Variants in BLOC1S3 observed in about 807,000 individuals in gnomAD.
The protein encoded by BLOC1S3 is biogenesis of lysosomal organelles complex 1 subunit 3.
Under a neutral mutation model 9.1 loss-of-function variants are expected in BLOC1S3, and 7 were observed. That is an observed-to-expected ratio of 0.77 (90% CI 0.44 to 1.45). The LOEUF (loss-of-function observed/expected upper bound fraction) is 1.45. Among genes scored for constraint, BLOC1S3 ranks in the 40% most tolerant of loss-of-function variants. The pLI is 0.01. For missense variants in BLOC1S3, 307 were observed against 315.2 expected (o/e 0.97, Z 0.20); for synonymous variants, 145 against 158.4 (o/e 0.92, Z 0.64).
At chr19:45,198,404 G>T (rs1314257297) in intron 2 of BLOC1S3, among the ~76,000 whole-genome samples, 18 of 152,128 alleles carry the variant, frequency 1.2e-4, no homozygotes. Flanking sequence ...CAATTCTCCT[G>T]CCTCAGCCTC....
chr19:45,186,117 TA>T (rs147357749), downstream of BLOC1S3, among the ~76,000 whole-genome samples: 11 of 149,726 alleles, frequency 7.3e-5, no homozygotes, highest in Non-Finnish European at 1.2e-4. Flanking sequence ...TGTCTCAAAA[TA>T]AAAAAAAAGA....
At chr19:45,193,789 G>A (rs1304039180) in intron 2 of BLOC1S3, among the ~76,000 whole-genome samples, 1 of 129,052 alleles carries the variant, frequency 7.7e-6, no homozygotes, top group Non-Finnish European at 1.6e-5. Context: ...CATTTTTTCT[G>A]TTTTTTTTTT....
In BLOC1S3 at chr19:45,208,759, GA is replaced by G. The variant is rs200533129; in HGVS notation, n.282+6264del. On this transcript the variant is annotated intron_variant and non_coding_transcript_variant, in intron 3 of 3. Coordinates refer to the BLOC1S3 transcript ENST00000591569. Reference sequence around the variant, plus strand: ...AACAAGAGTGAAACTATCTCAGAAAGAAAAAAAAAAAAGCCCACAAGTATTT... The same window carrying G: ...AACAAGAGTGAAACTATCTCAGAAAGAAAAAAAAAAAGCCCACAAGTATTT... Among the ~76,000 whole-genome samples, 415 of 95,694 alleles carry G rather than the reference GA, an allele frequency of 4.3e-3. 3 individuals carry two copies. Among genetic ancestry groups the G allele is most frequent in the African/African-American group, 0.01 (278 of 27,348 alleles). The allele number at this position is 95,694 out of a possible 152,430, so 62.8% of individuals were successfully genotyped here. A position where few individuals can be genotyped will look rare whatever the true frequency, so the allele number is the denominator to read the frequency against.
downstream of BLOC1S3, among the ~76,000 whole-genome samples, chr19:45,183,623 CTTTTTTTTTTT>C (rs57651816): frequency 1.9e-5 from 2 of 105,112 alleles, no homozygotes; most frequent in Non-Finnish European, 3.7e-5. Flanking sequence ...CTTTTCTTTT[CTTTTTTTTTTT>C]TTTTTTTTTT....
At position 45,215,668 on chromosome 19, in the gene BLOC1S3, G is replaced by A. The variant is rs546306858; in HGVS notation, n.283-1008G>A. ...GATGAGGAAACTGAGGCTCCGAGAA[G>A]GTCACCTACAAAGGAAGTGACCTGG... On this transcript the variant is annotated intron_variant and non_coding_transcript_variant, in intron 3 of 3. Transcript: ENST00000591569. Among the ~76,000 whole-genome samples the A allele has an allele frequency of 4.6e-5, 7 of 152,252 alleles. No homozygotes were observed. In the East Asian group the frequency reaches 1.4e-3, roughly 29 times the overall value.
chr19:45,186,798 C>T (rs1969569198), downstream of BLOC1S3, among the ~76,000 whole-genome samples: 1 of 152,200 alleles, frequency 6.6e-6, no homozygotes, highest in African/African-American at 2.4e-5. Context: ...ATTGGAGGCC[C>T]TATGATCTGG....
At chr19:45,206,462 T>TTTTTTTTTTGTTTTG in intron 3 of BLOC1S3, among the ~76,000 whole-genome samples, 1 of 115,446 alleles carries the variant, frequency 8.7e-6, no homozygotes, top group Non-Finnish European at 1.8e-5. Context: ...TTTTTTTTTT[T>TTTTTTTTTTGTTTTG]TTTTTTTTTT....
intron 3 of BLOC1S3, chr19:45,216,046 AG>A: frequency 6.2e-7 from 1 of 1,611,510 alleles, no homozygotes; most frequent in East Asian, 2.2e-5. Flanking sequence ...AGGCACGGCG[AG>A]CCCTGGCCCA....
At chr19:45,208,472 T>C (rs887667785) in intron 3 of BLOC1S3, among the ~76,000 whole-genome samples, 2 of 151,126 alleles carry the variant, frequency 1.3e-5, no homozygotes, top group African/African-American at 4.9e-5. Context: ...CTGGGCGTGG[T>C]GTCGGGCGTG....
chr19:45,216,242 T>G (rs780503055), intron 3 of BLOC1S3: 18 of 1,598,702 alleles, frequency 1.1e-5, no homozygotes, highest in Non-Finnish European at 1.4e-5. Context: ...AGATTGACCC[T>G]GCCAATTCCT....
At chr19:45,178,978 A>G in intron 1 of BLOC1S3, 147 bp downstream of exon 1, 1 of 289,118 alleles carries the variant, frequency 3.5e-6, no homozygotes, top group African/African-American at 2.2e-5. Flanking sequence ...GGCATGGTGG[A>G]CCAGGTGGAG....
chr19:45,182,775 C>T (rs1969535352), downstream of BLOC1S3, among the ~76,000 whole-genome samples: 1 of 152,162 alleles, frequency 6.6e-6, no homozygotes, highest in Admixed American at 6.5e-5. Flanking sequence ...GTCTTGACCT[C>T]CCAAAGGGCT....
At chr19:45,213,665 C>T (rs1367002068) in intron 3 of BLOC1S3, among the ~76,000 whole-genome samples, 1 of 152,140 alleles carries the variant, frequency 6.6e-6, no homozygotes, top group Non-Finnish European at 1.5e-5. Context: ...ACCTTCTCAG[C>T]TGGGTGCCGT....
At chr19:45,188,463 A>G (rs77643545) in intron 2 of BLOC1S3, among the ~76,000 whole-genome samples, 15,343 of 150,386 alleles carry the variant, frequency 0.1, 1,002 homozygotes, top group East Asian at 0.29. Context: ...TGTGAGCCAC[A>G]GCGCCCGGCT....
rs543081395 is a variant in BLOC1S3, at chr19:45,188,617, G to A, written n.180+877G>A. ...GACAGAGTTTCACTCTTGTTGCCCA[G>A]GCTGGAGTGCAATGGTGCATTCTTG... On this transcript the variant is annotated intron_variant and non_coding_transcript_variant, in intron 2 of 3. Coordinates refer to the BLOC1S3 transcript ENST00000591569. Among the ~76,000 whole-genome samples, 70 of 149,818 alleles carry A rather than the reference G, an allele frequency of 4.7e-4. 1 individual carries two copies. Among genetic ancestry groups the A allele is most frequent in the African/African-American group, 1.7e-3 (69 of 40,382 alleles).
rs535422352 is a variant in BLOC1S3, at chr19:45,212,811, G to A, written n.283-3865G>A. ...GGGCAGGTCTCACTATGTTGCCCAG[G>A]CTGGTCTTGAACTCCTGGGCTCAAG... On this transcript the variant is annotated intron_variant and non_coding_transcript_variant, in intron 3 of 3. Transcript: ENST00000591569. 1.2e-3 allele frequency: 494 copies of A among 415,634 alleles called. 2 individuals are homozygous for A. Among genetic ancestry groups the A allele is most frequent in the African/African-American group, 9.8e-3 (471 of 48,122 alleles). The allele number at this position is 415,634 out of a possible 1,614,324, so 25.7% of individuals were successfully genotyped here.
Position 45,179,594 on chromosome 19 carries a change from C to T in BLOC1S3, c.298C>T (p.Pro100Ser), listed in dbSNP as rs1969479764. 4 of 1,477,284 alleles carry T rather than the reference C, an allele frequency of 2.7e-6. No homozygotes were observed. In the African/African-American group the frequency reaches 4.4e-5, roughly 16 times the overall value. The allele number at this position is 1,477,284 out of a possible 1,614,324, so 91.5% of individuals were successfully genotyped here. A position where few individuals can be genotyped will look rare whatever the true frequency, so the allele number is the denominator to read the frequency against. Residue 100 changes from proline to serine, a missense_variant, in exon 2 of 2, where the codon CCG becomes TCG. By Grantham distance (74) the Pro-to-Ser change is moderately conservative (BLOSUM62 -1). Transcript: ENST00000433642. This position sits in a 1 kb window ranked among gnomAD's most constrained non-coding sequence, Gnocchi z 4.6. ...GGAGGCCTGGGGCACGGAGGAGGCCCCGGCGCCCGCCCCCGCGCGCTCGCT... is the reference window on the plus strand; with the variant it reads ...GGAGGCCTGGGGCACGGAGGAGGCCTCGGCGCCCGCCCCCGCGCGCTCGCT... ...AEEAWGTEEA[P>S]APAPARSLLQ... is the part of the protein sequence containing the mutation.
At chr19:45,212,902 T>C in intron 3 of BLOC1S3, 1 of 727,604 alleles carries the variant, frequency 1.4e-6, no homozygotes, top group East Asian at 3.4e-5. Flanking sequence ...GCCTGGCGTT[T>C]GTTTCCCTTC....
intron 2 of BLOC1S3, among the ~76,000 whole-genome samples, chr19:45,189,427 C>CTTTTTTT (rs35692205): frequency 7.2e-6 from 1 of 138,702 alleles, no homozygotes; most frequent in African/African-American, 2.6e-5. Context: ...AGGTAGTCTT[C>CTTTTTTT]TTTTTTTTTT....
Sources: allele counts gnomAD v4.1 joint callset (sites outside exome capture counted in the v4.1 genomes callset), GRCh38; gene constraint gnomAD v4.1.1; non-coding constraint Gnocchi (gnomAD v3.1); transcripts MANE v1.5; gene names NCBI Gene and HGNC (gene_info 2026-07-23, HGNC 2026-07-21).